ZNF518A: variants seen among roughly 807,000 people sequenced by gnomAD.
ZNF518A encodes zinc finger protein 518.
Under a neutral mutation model 102.7 loss-of-function variants are expected in ZNF518A, and 47 were observed. That is an observed-to-expected ratio of 0.46 (90% CI 0.36 to 0.58). ZNF518A has a LOEUF of 0.58. Ranked by LOEUF, ZNF518A falls within the 20% of genes least tolerant of loss-of-function variation. ZNF518A has a pLI of 0.00. For synonymous variants in ZNF518A, 652 were observed against 594.6 expected (o/e 1.10, Z -1.40); for missense variants, 1,793 against 1,699.8 (o/e 1.05, Z -0.96).
chr10:96,194,096 G>C (rs1447864274), intron 1 of ZNF518A, among the ~76,000 whole-genome samples: 1 of 152,198 alleles, frequency 6.6e-6, no homozygotes, highest in Non-Finnish European at 1.5e-5. Context: ...ATCAGGCCAA[G>C]AGGAATTCCT....
At chr10:96,197,498 AG>A (rs2083498716) in intron 1 of ZNF518A, among the ~76,000 whole-genome samples, 1 of 152,116 alleles carries the variant, frequency 6.6e-6, no homozygotes, top group Non-Finnish European at 1.5e-5. Flanking sequence ...GTGCTAAATA[AG>A]GTTTTATGTT....
chr10:96,161,826 C>G lies in ZNF518A; in HGVS notation c.*1052C>G, dbSNP rs2083011533. 6.0e-6 allele frequency: 1 copy of G among 166,948 alleles called. No homozygotes were observed. The highest frequency in any genetic ancestry group is 1.5e-5 in the Non-Finnish European group (1 of 68,032). The allele number at this position is 166,948 out of a possible 1,614,324, so 10.3% of individuals were successfully genotyped here. On this transcript the variant is annotated 3_prime_UTR_variant, in exon 6 of 6. Transcript: ENST00000316045. ...GTTAGCTGCTTCTCAGTGTGACTGA[C>G]AACCCAAAACATATATACAGATTGT...
Position 96,156,307 on chromosome 10 carries a change from CTT to C in ZNF518A, c.-11_-10del. On this transcript the variant is annotated 5_prime_UTR_variant, in exon 6 of 6. Coordinates refer to ENST00000316045, the MANE Select transcript of ZNF518A (RefSeq NM_001330736.2). ...GTTTTCAGAAAAAAAGAAATTGGGA[CTT>C]TTTTGGTTAAATCATGCCATCTGAA... 2.6e-6 allele frequency: 4 copies of C among 1,541,112 alleles called. No individual in the cohort carries two copies. The highest frequency in any genetic ancestry group is 3.5e-6 in the Non-Finnish European group (4 of 1,151,624).
intron 4 of ZNF518A, 153 bp downstream of exon 4, chr10:96,155,529 T>C (rs1373786308): frequency 1.3e-5 from 2 of 152,370 alleles, no homozygotes; most frequent in Middle Eastern, 3.4e-3. Context: ...AGATGGACTT[T>C]AGGACTACAC....
intron 1 of ZNF518A, among the ~76,000 whole-genome samples, chr10:96,202,986 G>C (rs1554896606): frequency 6.6e-6 from 1 of 152,088 alleles, no homozygotes. Flanking sequence ...ACCCACCCCT[G>C]CTGCTGCGCT....
chr10:96,156,963 TCTC>T lies in ZNF518A; in HGVS notation c.643_645del (p.Ser215del), dbSNP rs2082723710. 6.2e-7 allele frequency: 1 copy of T among 1,613,770 alleles called. No individual in the cohort carries two copies. The highest frequency in any genetic ancestry group is 1.1e-5 in the South Asian group (1 of 91,070). On this transcript the variant is annotated inframe_deletion, in exon 6 of 6. Coordinates refer to ENST00000316045, the MANE Select transcript of ZNF518A (RefSeq NM_001330736.2). ...AATTTTCAATGTGAAAAGTGTAAGT[TCTC>T]CACCCAGGATGTTGGCACATTTGTT...
chr10:96,203,715 T>C (rs1327429243), intron 2 of ZNF518A: 2 of 189,820 alleles, frequency 1.1e-5, no homozygotes, highest in East Asian at 2.6e-4. Flanking sequence ...CCAAACACTA[T>C]AGCTGGTGCT....
chr10:96,193,189 C>G (rs1281197841), intron 1 of ZNF518A, among the ~76,000 whole-genome samples: 1 of 152,218 alleles, frequency 6.6e-6, no homozygotes, highest in Non-Finnish European at 1.5e-5. Context: ...CCTATTCAAT[C>G]ATTCAGCCAT....
At chr10:96,131,447 A>C (rs2081332939) in intron 1 of ZNF518A, among the ~76,000 whole-genome samples, 1 of 152,226 alleles carries the variant, frequency 6.6e-6, no homozygotes, top group East Asian at 1.9e-4. Context: ...AAATTTATAA[A>C]GAGACATTGC....
intron 1 of ZNF518A, chr10:96,197,032 C>A (rs1554894864): frequency 6.2e-7 from 1 of 1,612,716 alleles, no homozygotes; most frequent in Non-Finnish European, 8.5e-7. Flanking sequence ...GGAATCATGG[C>A]CAGAGCTTTT....
rs782355601 is a variant in ZNF518A, at chr10:96,157,720, T to G, written c.1398T>G (p.Asn466Lys). The G allele has an allele frequency of 6.2e-7, 1 of 1,613,912 alleles. No homozygotes were observed. Among genetic ancestry groups the G allele is most frequent in the South Asian group, 1.1e-5 (1 of 91,076 alleles). ...IVLKLVPIKQ[N>K]VCSPGSQSGA... ...TAAAATTGGTGCCTATCAAACAAAATGTATGTTCACCAGGCTCACAGTCAG... is the reference window on the plus strand; with the variant it reads ...TAAAATTGGTGCCTATCAAACAAAAGGTATGTTCACCAGGCTCACAGTCAG... The change falls in exon 6 of 6, where the codon AAT (asparagine) becomes AAG (lysine). Residue 466 changes from asparagine (N) to lysine (K), a missense_variant. By Grantham distance (94) the Asn-to-Lys change is moderately conservative. This residue lies in a region of ZNF518A where 1,741 missense variants were observed against 1,622.6 expected (regional missense o/e 1.07). Transcript: ENST00000316045.
At chr10:96,164,559 TTAG>T (rs2083105845), downstream of ZNF518A, among the ~76,000 whole-genome samples, 4 of 152,356 alleles carry the variant, frequency 2.6e-5, no homozygotes, top group South Asian at 8.3e-4. Flanking sequence ...TGAGAAGTAA[TTAG>T]TATCTTGGAG....
intron 3 of ZNF518A, among the ~76,000 whole-genome samples, chr10:96,134,152 C>T (rs1335516749): frequency 6.6e-6 from 1 of 152,166 alleles, no homozygotes; most frequent in African/African-American, 2.4e-5. Context: ...GGATATTCAG[C>T]CAGTAAGTAA....
At position 96,157,421 on chromosome 10, in the gene ZNF518A, G is replaced by T; in HGVS notation, c.1099G>T (p.Glu367Ter). ...KSEDQSHVVQ[E>*]HLSEEKDERL... ...TGAAGACCAGAGCCATGTTGTTCAA[G>T]AGCATTTAAGTGAAGAAAAGGATGA... The change falls in exon 6 of 6, where the codon GAG becomes TAG. Residue 367 changes from glutamate to a stop codon, truncating the protein, a stop_gained. Coordinates refer to ENST00000316045, the MANE Select transcript of ZNF518A (RefSeq NM_001330736.2). LOFTEE classifies it high-confidence loss of function. 1 of 1,613,190 alleles carries T rather than the reference G, an allele frequency of 6.2e-7. No individual in the cohort carries two copies. The highest frequency in any genetic ancestry group is 8.5e-7 in the Non-Finnish European group (1 of 1,179,548).
At position 96,157,189 on chromosome 10, in the gene ZNF518A, A is replaced by C. The variant is rs1564771298; in HGVS notation, c.867A>C (p.Leu289Phe). The C allele has an allele frequency of 7.4e-6, 12 of 1,611,602 alleles. No individual in the cohort carries two copies. The highest frequency in any genetic ancestry group is 7.6e-6 in the Non-Finnish European group (9 of 1,178,992). ...RHVITLHKEHLYAKEKLEKDK... is the reference protein window; with the variant it reads ...RHVITLHKEHFYAKEKLEKDK... ...TTATAACTTTGCACAAAGAACATTT[A>C]TATGCAAAAGAAAAACTGGAAAAAG... is the stretch of plus-strand genomic sequence containing the variant. Residue 289 changes from leucine to phenylalanine, a missense_variant, in exon 6 of 6, where the codon TTA (leucine) becomes TTC (phenylalanine). By Grantham distance (22) the Leu-to-Phe change is conservative. Coordinates refer to ENST00000316045, the MANE Select transcript of ZNF518A (RefSeq NM_001330736.2).
At chr10:96,148,166 G>A (rs587752773) in intron 3 of ZNF518A, among the ~76,000 whole-genome samples, 11 of 152,206 alleles carry the variant, frequency 7.2e-5, no homozygotes, top group South Asian at 2.1e-4. Flanking sequence ...TTGGCCGGGC[G>A]CGGTGGCTCA....
chr10:96,135,199 G>C (rs1441543571), intron 3 of ZNF518A: 7 of 152,326 alleles, frequency 4.6e-5, no homozygotes, highest in African/African-American at 1.4e-4. Flanking sequence ...CCACGTGTAT[G>C]AAAAGCGCAT....
In ZNF518A at chr10:96,153,195, C is replaced by T. The variant is rs183404803; in HGVS notation, c.-301-2131C>T. 5.3e-3 allele frequency among the ~76,000 whole-genome samples: 802 copies of T among 152,310 alleles called. 5 individuals carry two copies. The highest frequency in any genetic ancestry group is 0.018 in the African/African-American group (766 of 41,578). ...GGGCAGGAGGAAGAGAGTATCCTTGCTCCAAGAGAGAGGCAGGGGAAATCC... is the reference window on the plus strand; with the variant it reads ...GGGCAGGAGGAAGAGAGTATCCTTGTTCCAAGAGAGAGGCAGGGGAAATCC... On this transcript the variant is annotated intron_variant, in intron 3 of 5. Transcript: ENST00000316045.
At chr10:96,170,565 T>G (rs587654015) in intron 1 of ZNF518A, among the ~76,000 whole-genome samples, 1 of 152,344 alleles carries the variant, frequency 6.6e-6, no homozygotes, top group South Asian at 2.1e-4. Context: ...GATTCAGCCA[T>G]TTTTCTTGGG....
Sources: allele counts gnomAD v4.1 joint callset (sites outside exome capture counted in the v4.1 genomes callset), GRCh38; gene constraint gnomAD v4.1.1; regional missense constraint gnomAD v4.1.1; transcripts MANE v1.5; gene names NCBI Gene and HGNC (gene_info 2026-07-23, HGNC 2026-07-21).